Variants in SLC10A7 observed in about 807,000 individuals in gnomAD.
The protein encoded by SLC10A7 is sodium/bile acid cotransporter 7.
A neutral mutation model predicts 43.2 loss-of-function variants in SLC10A7; 29 were observed. The observed-to-expected ratio is 0.67, with a 90% confidence interval of 0.50 to 0.92. SLC10A7 has a LOEUF of 0.92. Among genes scored for constraint, SLC10A7 ranks in the 40% least tolerant of loss-of-function variants. The pLI is 0.00. For missense variants in SLC10A7, 295 were observed against 403.2 expected (o/e 0.73, Z 2.30); for synonymous variants, 152 against 144.8 (o/e 1.05, Z -0.35).
intron 5 of SLC10A7, among the ~76,000 whole-genome samples, chr4:146,423,425 T>C (rs1337796405): frequency 6.6e-6 from 1 of 152,202 alleles, no homozygotes; most frequent in Non-Finnish European, 1.5e-5. Flanking sequence ...GTTGGTATGG[T>C]TAAAAGTGTT....
chr4:146,332,415 A>T (rs1239110253), intron 5 of SLC10A7, among the ~76,000 whole-genome samples: 1 of 152,178 alleles, frequency 6.6e-6, no homozygotes, highest in African/African-American at 2.4e-5. Context: ...GTGGGAGGTG[A>T]TTGGATCACG....
chr4:146,322,226 T>A (rs926668972), intron 6 of SLC10A7, among the ~76,000 whole-genome samples: 2 of 152,162 alleles, frequency 1.3e-5, no homozygotes, highest in African/African-American at 4.8e-5. Context: ...GTTCTTTTTT[T>A]AATTATTATT....
rs570620993 is a variant in SLC10A7 at position 146,363,272 on chromosome 4, G to T, written c.436-37276C>A. On this transcript the variant is annotated intron_variant, in intron 5 of 11. Transcript: ENST00000335472. ...AAAATGGTAGAAAGAGACAAAGAAG[G>T]TCATTATATAAGGATAAAGGAGTCA... Among the ~76,000 whole-genome samples the T allele has an allele frequency of 3.3e-5, 5 of 152,132 alleles. No homozygotes were observed. The South Asian group carries it at 6.2e-4, about 19-fold the overall frequency.
chr4:146,432,705 G>C (rs1729866685), intron 5 of SLC10A7, among the ~76,000 whole-genome samples: 2 of 152,144 alleles, frequency 1.3e-5, no homozygotes, highest in Admixed American at 6.5e-5. Flanking sequence ...AAACTGACAG[G>C]ACTATACCTC....
chr4:146,325,041 C>T (rs922185974), intron 6 of SLC10A7, among the ~76,000 whole-genome samples: 2 of 152,138 alleles, frequency 1.3e-5, no homozygotes, highest in Non-Finnish European at 1.5e-5. Context: ...AATGAAGTCC[C>T]TCATTCTATT....
rs142008996 is a variant in SLC10A7, at chr4:146,511,198, C to T, written c.184-1149G>A. Among the ~76,000 whole-genome samples the T allele has an allele frequency of 4.0e-3, 603 of 152,228 alleles. 1 individual carries two copies. The highest frequency in any genetic ancestry group is 6.0e-3 in the Non-Finnish European group (411 of 68,018). ...CATTAAACATAAGAAACCAGGCACA[C>T]GTTATGAGTTTAACAACTAAAAAAG... is the stretch of plus-strand genomic sequence containing the variant. On this transcript the variant is annotated intron_variant, in intron 2 of 11. Coordinates refer to ENST00000335472, the MANE Select transcript of SLC10A7 (RefSeq NM_001029998.6).
chr4:146,510,613 A>G lies in SLC10A7; in HGVS notation c.184-564T>C, dbSNP rs78189015. ...TTCTTTACAATACACAATAAGCCCT[A>G]ACAAATCAGATGTGTAAAACTCTGG... On this transcript the variant is annotated intron_variant, in intron 2 of 11. Transcript: ENST00000335472. 6.6e-3 allele frequency among the ~76,000 whole-genome samples: 1,010 copies of G among 152,270 alleles called. 17 individuals carry two copies. Among genetic ancestry groups the G allele is most frequent in the African/African-American group, 0.023 (954 of 41,554 alleles).
At chr4:146,321,625 TG>T (rs1174135342) in intron 6 of SLC10A7, among the ~76,000 whole-genome samples, 24 of 152,076 alleles carry the variant, frequency 1.6e-4, no homozygotes, top group Admixed American at 1.3e-4. Flanking sequence ...TTTTAAGAGA[TG>T]GGGTCTCTGT....
In SLC10A7 at chr4:146,403,559, T is replaced by G. The variant is rs190720468; in HGVS notation, c.435+39224A>C. Among the ~76,000 whole-genome samples the G allele has an allele frequency of 2.2e-4, 34 of 152,302 alleles. No homozygotes were observed. The East Asian group carries it at 6.6e-3, about 29-fold the overall frequency. On this transcript the variant is annotated intron_variant, in intron 5 of 11. Coordinates refer to ENST00000335472, the MANE Select transcript of SLC10A7 (RefSeq NM_001029998.6). ...TAACTACCCAAGGCTACATTTCATA[T>G]ACCTGCATGTATACTTCACACCTAA...
chr4:146,327,700 C>T (rs1382079730), intron 5 of SLC10A7, among the ~76,000 whole-genome samples: 2 of 152,238 alleles, frequency 1.3e-5, no homozygotes, highest in African/African-American at 4.8e-5. Flanking sequence ...GTAGAGGACA[C>T]TGATCTATAA....
At chr4:146,462,505 T>C (rs1273706077) in intron 4 of SLC10A7, among the ~76,000 whole-genome samples, 1 of 152,186 alleles carries the variant, frequency 6.6e-6, no homozygotes, top group Non-Finnish European at 1.5e-5. Flanking sequence ...CCAAACACTC[T>C]TCCTTCTCCA....
intron 5 of SLC10A7, among the ~76,000 whole-genome samples, chr4:146,358,003 C>G (rs1735780029): frequency 1.3e-5 from 2 of 151,298 alleles, no homozygotes; most frequent in Admixed American, 1.3e-4. Flanking sequence ...GATCATTGTT[C>G]ATGCCTAATA....
At chr4:146,349,296 C>T (rs1347383841) in intron 5 of SLC10A7, among the ~76,000 whole-genome samples, 2 of 152,050 alleles carry the variant, frequency 1.3e-5, no homozygotes, top group Non-Finnish European at 2.9e-5. Context: ...AAATGCAAAT[C>T]AAAACCACAA....
At chr4:146,395,032 T>C (rs1213191494) in intron 5 of SLC10A7, among the ~76,000 whole-genome samples, 1 of 152,144 alleles carries the variant, frequency 6.6e-6, no homozygotes, top group Non-Finnish European at 1.5e-5. Flanking sequence ...TCTCACTCCA[T>C]GTTTCCATGT....
chr4:146,481,136 T>C (rs541647660), intron 4 of SLC10A7, among the ~76,000 whole-genome samples: 1 of 152,178 alleles, frequency 6.6e-6, no homozygotes, highest in East Asian at 1.9e-4. Flanking sequence ...CCCTCGAGAA[T>C]ACAGAAGCTC....
At chr4:146,498,211 G>A (rs969907673) in intron 4 of SLC10A7, among the ~76,000 whole-genome samples, 3 of 151,876 alleles carry the variant, frequency 2.0e-5, no homozygotes, top group Non-Finnish European at 2.9e-5. Context: ...TCCGCGCCCC[G>A]GGTTCAAGCA....
rs749847348 is a variant in SLC10A7 at position 146,305,986 on chromosome 4, A to G, written c.495T>C (p.Pro165=). Reference sequence around the variant, plus strand: ...AAAGCTGAGAAAAAATAGATGTGAAAGGCACAGAAGAAGATGAACCAAGCT... The same window carrying G: ...AAAGCTGAGAAAAAATAGATGTGAAGGGCACAGAAGAAGATGAACCAAGCT... The part of the protein sequence containing the change: ...LLFLGSSSSV[P]FTSIFSQLFM... The change falls in exon 7 of 12, where the codon CCT becomes CCC. Residue 165 remains proline (P), a synonymous_variant. Coordinates refer to ENST00000335472, the MANE Select transcript of SLC10A7 (RefSeq NM_001029998.6). 6.2e-7 allele frequency: 1 copy of G among 1,609,570 alleles called. No individual in the cohort carries two copies. Among genetic ancestry groups the G allele is most frequent in the Middle Eastern group, 1.7e-4 (1 of 6,046 alleles).
intron 4 of SLC10A7, among the ~76,000 whole-genome samples, chr4:146,444,903 G>A (rs982149166): frequency 1.3e-5 from 2 of 152,154 alleles, no homozygotes; most frequent in Non-Finnish European, 2.9e-5. Flanking sequence ...GGTAATAGTT[G>A]GCTCAATTCT....
intron 5 of SLC10A7, among the ~76,000 whole-genome samples, chr4:146,379,935 TTCTCTCTCTC>T (rs5862757): frequency 2.7e-5 from 4 of 146,500 alleles, no homozygotes; most frequent in South Asian, 4.6e-4. Context: ...TGACAAATAA[TTCTCTCTCTC>T]TCTCTCTCTC....
Sources: allele counts gnomAD v4.1 joint callset (sites outside exome capture counted in the v4.1 genomes callset), GRCh38; gene constraint gnomAD v4.1.1; transcripts MANE v1.5; gene names NCBI Gene and HGNC (gene_info 2026-07-23, HGNC 2026-07-21).